Variants in HTR1D observed in about 807,000 individuals in gnomAD.
HTR1D encodes 5-HT-1D.
In HTR1D, 18 loss-of-function variants were observed where a neutral mutation model predicts 21.1. The ratio of observed to expected loss-of-function variants is 0.85; its 90% confidence interval spans 0.59 to 1.27. The LOEUF (loss-of-function observed/expected upper bound fraction) is 1.27, where lower values mean the gene tolerates loss of function less well. Ranked by LOEUF, HTR1D falls within the 50% of genes most tolerant of loss-of-function variation. HTR1D has a pLI of 0.00. For missense variants in HTR1D, 456 were observed against 481.4 expected (o/e 0.95, Z 0.49); for synonymous variants, 196 against 204.4 (o/e 0.96, Z 0.35).
chr1:23,214,690 G>C (rs1644766693), intron 1 of HTR1D, among the ~76,000 whole-genome samples: 1 of 152,068 alleles, frequency 6.6e-6, no homozygotes, highest in African/African-American at 2.4e-5. Context: ...AACCTGATCT[G>C]ATATTTTCTG....
At chr1:23,212,275 G>A (rs779837819) in intron 1 of HTR1D, among the ~76,000 whole-genome samples, 1 of 152,084 alleles carries the variant, frequency 6.6e-6, no homozygotes, top group East Asian at 1.9e-4. Flanking sequence ...GGACTCCCCT[G>A]GACTGGAATC....
intron 1 of HTR1D, among the ~76,000 whole-genome samples, chr1:23,216,534 T>G (rs1644774123): frequency 6.6e-6 from 1 of 152,212 alleles, no homozygotes; most frequent in African/African-American, 2.4e-5. Flanking sequence ...GGGACTTTAG[T>G]CTTAGATTCT....
In HTR1D at chr1:23,194,610, G is replaced by A. The variant is rs1644678067; in HGVS notation, c.-391C>T. On this transcript the variant is annotated 5_prime_UTR_variant, in exon 2 of 2. Transcript: ENST00000374619. ...AATTATCAGGGGATCACACCCAGGT[G>A]GGCAATGCCCTGGGATTCTTGCCTT... 5.9e-6 allele frequency: 1 copy of A among 170,066 alleles called. No individual in the cohort carries two copies. Among genetic ancestry groups the A allele is most frequent in the Non-Finnish European group, 1.4e-5 (1 of 70,164 alleles). The allele number at this position is 170,066 out of a possible 1,614,324, so 10.5% of individuals were successfully genotyped here.
At chr1:23,201,446 T>A (rs1219351955) in intron 1 of HTR1D, among the ~76,000 whole-genome samples, 3 of 152,172 alleles carry the variant, frequency 2.0e-5, no homozygotes, top group Non-Finnish European at 4.4e-5. Flanking sequence ...CGACCTTCTA[T>A]CCAGGAAACC....
At chr1:23,210,404 G>C (rs1056308867) in intron 1 of HTR1D, among the ~76,000 whole-genome samples, 2 of 152,178 alleles carry the variant, frequency 1.3e-5, no homozygotes, top group East Asian at 3.9e-4. Context: ...CAAGCTCTCA[G>C]GTGATGCCTG....
intron 1 of HTR1D, among the ~76,000 whole-genome samples, chr1:23,207,027 A>G (rs911494232): frequency 6.6e-6 from 1 of 152,090 alleles, no homozygotes; most frequent in Admixed American, 6.6e-5. Context: ...AGTTTCTCCA[A>G]CTTGAAAATG....
chr1:23,210,670 G>C (rs1644750166), intron 1 of HTR1D, among the ~76,000 whole-genome samples: 1 of 151,992 alleles, frequency 6.6e-6, no homozygotes, highest in African/African-American at 2.4e-5. Flanking sequence ...TGAGATGAAA[G>C]AGAGAAGGCT....
At chr1:23,210,736 C>G (rs1644750401) in intron 1 of HTR1D, among the ~76,000 whole-genome samples, 2 of 152,114 alleles carry the variant, frequency 1.3e-5, no homozygotes, top group African/African-American at 2.4e-5. Flanking sequence ...CCCCCCAGCT[C>G]TCATCTGAGT....
rs2148236931 is a variant in HTR1D at position 23,193,149 on chromosome 1, A to G, written c.1071T>C (p.Thr357=). Residue 357 remains threonine (T), a synonymous_variant, in exon 2 of 2, where the codon ACT becomes ACC. Transcript: ENST00000374619. ...LNSLINPIIY[T]VFNEEFRQAF... ...CTTGCCGAAACTCTTCATTAAACACAGTGTAGATTATTGGATTGATGAGGG... is the reference window on the plus strand; with the variant it reads ...CTTGCCGAAACTCTTCATTAAACACGGTGTAGATTATTGGATTGATGAGGG... The G allele has an allele frequency of 6.2e-7, 1 of 1,613,914 alleles. No homozygotes were observed. Among genetic ancestry groups the G allele is most frequent in the Middle Eastern group, 1.6e-4 (1 of 6,062 alleles).
chr1:23,193,375 G>C lies in HTR1D; in HGVS notation c.845C>G (p.Ala282Gly), dbSNP rs979269001. The C allele has an allele frequency of 3.3e-5, 53 of 1,614,096 alleles. No homozygotes were observed. Among genetic ancestry groups the C allele is most frequent in the Non-Finnish European group, 4.5e-5 (53 of 1,180,058 alleles). The stretch of plus-strand genomic sequence containing the variant: ...CCTCTTGCGTTCCAGGGCACTGTCA[G>C]CAAGCTTGATTTTCACGTGGTTGAA... The part of the protein sequence containing the change: ...LFFNHVKIKL[A>G]DSALERKRIS... Residue 282 changes from alanine to glycine, a missense_variant, in exon 2 of 2, where the codon GCT (alanine) becomes GGT (glycine). By Grantham distance (60) the Ala-to-Gly change is moderately conservative. Coordinates refer to ENST00000374619, the MANE Select transcript of HTR1D (RefSeq NM_000864.5).
In HTR1D at chr1:23,194,924, C is replaced by T. The variant is rs1210565775; in HGVS notation, c.-705G>A. ...ACAAAACATCCTGGTTACCAAGACTCGAAGAATGCATAAGCTGGGACCAGG... is the reference window on the plus strand; with the variant it reads ...ACAAAACATCCTGGTTACCAAGACTTGAAGAATGCATAAGCTGGGACCAGG... On this transcript the variant is annotated 5_prime_UTR_variant, in exon 2 of 2. Transcript: ENST00000374619. 6.6e-6 allele frequency among the ~76,000 whole-genome samples: 1 copy of T among 152,018 alleles called. No individual in the cohort carries two copies. The highest frequency in any genetic ancestry group is 6.6e-5 in the Admixed American group (1 of 15,252).
At chr1:23,215,613 A>G (rs1385602530) in intron 1 of HTR1D, among the ~76,000 whole-genome samples, 2 of 152,218 alleles carry the variant, frequency 1.3e-5, no homozygotes, top group Non-Finnish European at 2.9e-5. Flanking sequence ...CTCACCAAAA[A>G]GAATAGTCAT....
At chr1:23,199,937 C>T (rs765664339) in intron 1 of HTR1D, among the ~76,000 whole-genome samples, 9 of 152,104 alleles carry the variant, frequency 5.9e-5, no homozygotes, top group South Asian at 4.1e-4. Flanking sequence ...AGTTCCTGAC[C>T]TCAGGTGATC....
rs558682676 is a variant in HTR1D at position 23,206,232 on chromosome 1, C to T, written c.-783+11059G>A. The stretch of plus-strand genomic sequence containing the variant: ...AATTTTTTTGTATTTTTAGTAGAGA[C>T]GGGGTTTCACCGTGGTTTCGATCTC... On this transcript the variant is annotated intron_variant, in intron 1 of 1. Coordinates refer to ENST00000374619, the MANE Select transcript of HTR1D (RefSeq NM_000864.5). 1.4e-4 allele frequency among the ~76,000 whole-genome samples: 21 copies of T among 152,102 alleles called. 1 individual carries two copies. The South Asian group carries it at 3.1e-3, about 23-fold the overall frequency.
intron 1 of HTR1D, among the ~76,000 whole-genome samples, chr1:23,208,842 A>ATT (rs1644742509): frequency 6.6e-6 from 1 of 152,186 alleles, no homozygotes. Context: ...ATGTGTGGCC[A>ATT]TTGGGCACTT....
At chr1:23,199,404 C>T (rs950340704) in intron 1 of HTR1D, among the ~76,000 whole-genome samples, 5 of 143,486 alleles carry the variant, frequency 3.5e-5, no homozygotes, top group Non-Finnish European at 7.5e-5. Flanking sequence ...GTGTGAGCCG[C>T]CATGTGTGGT....
Position 23,194,338 on chromosome 1 carries a change from A to G in HTR1D, c.-119T>C. 1.2e-6 allele frequency: 1 copy of G among 832,662 alleles called. No homozygotes were observed. Among genetic ancestry groups the G allele is most frequent in the South Asian group, 1.7e-5 (1 of 58,480 alleles). The allele number at this position is 832,662 out of a possible 1,614,324, so 51.6% of individuals were successfully genotyped here. The stretch of plus-strand genomic sequence containing the variant: ...ACACTGGTGGGAGCCGTACACCAGA[A>G]CAGACCACAGTGAAAAGGTCTCAAG... On this transcript the variant is annotated 5_prime_UTR_variant, in exon 2 of 2. Transcript: ENST00000374619.
chr1:23,216,886 G>T (rs939184860), intron 1 of HTR1D, among the ~76,000 whole-genome samples: 17 of 152,114 alleles, frequency 1.1e-4, no homozygotes, highest in African/African-American at 3.9e-4. Flanking sequence ...AGGCCCCTCC[G>T]CGGCGCCGCG....
intron 1 of HTR1D, among the ~76,000 whole-genome samples, chr1:23,213,700 T>G (rs1021091152): frequency 6.6e-6 from 1 of 152,204 alleles, no homozygotes; most frequent in South Asian, 2.1e-4. Flanking sequence ...ACATATCTGT[T>G]GTACTCCTGT....
Sources: gnomAD v4.1 joint callset for allele counts (sites outside exome capture counted in the v4.1 genomes callset) on GRCh38, gnomAD v4.1.1 for gene constraint, MANE v1.5 for transcripts, NCBI Gene and HGNC (gene_info 2026-07-23, HGNC 2026-07-21) for gene names.